Variants in CDH4 observed in about 807,000 individuals in gnomAD.
The protein encoded by CDH4 is cadherin-4.
CDH4 carries 33 observed loss-of-function variants against 86.0 expected under a neutral mutation model. The observed-to-expected ratio is 0.38, with a 90% CI of 0.29 to 0.51. The LOEUF is 0.51. Ranked by LOEUF, CDH4 falls within the 20% of genes least tolerant of loss-of-function variation. The pLI is 0.86. For missense variants in CDH4, 1,114 were observed against 1,307.4 expected (o/e 0.85, Z 2.28); for synonymous variants, 555 against 549.4 (o/e 1.01, Z -0.14).
chr20:61,511,148 C>T (rs183453314), intron 2 of CDH4, among the ~76,000 whole-genome samples: 39 of 152,348 alleles, frequency 2.6e-4, no homozygotes, highest in Admixed American at 1.3e-3. Flanking sequence ...ATCCAAACTA[C>T]ATCATGAGTG....
intron 2 of CDH4, among the ~76,000 whole-genome samples, chr20:61,585,132 G>C (rs1327602248): frequency 6.6e-6 from 1 of 152,254 alleles, no homozygotes; most frequent in Non-Finnish European, 1.5e-5. Flanking sequence ...GACCAACACG[G>C]TAAGTGGCAG....
chr20:61,616,944 G>T (rs540935586), intron 2 of CDH4, among the ~76,000 whole-genome samples: 1 of 152,064 alleles, frequency 6.6e-6, no homozygotes, highest in Non-Finnish European at 1.5e-5. Context: ...GGTGGAGGGG[G>T]GTGACTGGAC....
chr20:61,563,429 G>C (rs2086237527), intron 2 of CDH4, among the ~76,000 whole-genome samples: 1 of 152,196 alleles, frequency 6.6e-6, no homozygotes, highest in South Asian at 2.1e-4. Context: ...TCCCTCACTT[G>C]CTCCAGGTGC....
intron 4 of CDH4, among the ~76,000 whole-genome samples, chr20:61,808,910 TAAC>T (rs1248295162): frequency 2.0e-5 from 3 of 152,250 alleles, no homozygotes; most frequent in Non-Finnish European, 2.9e-5. Flanking sequence ...AGTCATTGTT[TAAC>T]AACAACAGCA....
At chr20:61,699,274 G>A (rs1444700804) in intron 2 of CDH4, among the ~76,000 whole-genome samples, 2 of 152,150 alleles carry the variant, frequency 1.3e-5, no homozygotes, top group African/African-American at 2.4e-5. Flanking sequence ...GCCAGCATGC[G>A]GCCTGGCTGA....
intron 2 of CDH4, among the ~76,000 whole-genome samples, chr20:61,282,877 A>G (rs986560724): frequency 3.9e-5 from 6 of 152,056 alleles, no homozygotes; most frequent in Non-Finnish European, 7.4e-5. Context: ...GGTGTGTGTG[A>G]TGTACGTGCA....
At chr20:61,886,423 T>C (rs774895179) in intron 7 of CDH4, among the ~76,000 whole-genome samples, 11 of 152,214 alleles carry the variant, frequency 7.2e-5, no homozygotes, top group Non-Finnish European at 1.3e-4. Context: ...ACTGTGGTTT[T>C]CTTCCCTCCT....
chr20:61,524,290 C>T (rs749184311), intron 2 of CDH4, among the ~76,000 whole-genome samples: 2 of 152,070 alleles, frequency 1.3e-5, no homozygotes, highest in East Asian at 1.9e-4. Flanking sequence ...AAGGAGGGCA[C>T]GTGAAAACCC....
chr20:61,384,138 G>A (rs1414158826), intron 2 of CDH4, among the ~76,000 whole-genome samples: 1 of 152,080 alleles, frequency 6.6e-6, no homozygotes, highest in Non-Finnish European at 1.5e-5. Context: ...TGCCCACCCA[G>A]ACTGAGGGTG....
chr20:61,400,363 G>T (rs1240159550), intron 2 of CDH4, among the ~76,000 whole-genome samples: 2 of 152,122 alleles, frequency 1.3e-5, no homozygotes, highest in Admixed American at 1.3e-4. Flanking sequence ...AACCCTTTAG[G>T]GCTGATCTGA....
At chr20:61,547,493 C>T (rs1210283481) in intron 2 of CDH4, among the ~76,000 whole-genome samples, 1 of 151,560 alleles carries the variant, frequency 6.6e-6, no homozygotes, top group Non-Finnish European at 1.5e-5. Context: ...GGATTACAGG[C>T]ATGAGCCACC....
intron 2 of CDH4, among the ~76,000 whole-genome samples, chr20:61,483,939 C>T (rs575410987): frequency 6.6e-6 from 1 of 152,258 alleles, no homozygotes; most frequent in Admixed American, 6.5e-5. Context: ...TCGCTCCTGT[C>T]CCATCTTTCT....
intron 2 of CDH4, among the ~76,000 whole-genome samples, chr20:61,493,427 C>T (rs1436299914): frequency 6.6e-6 from 1 of 152,232 alleles, no homozygotes; most frequent in African/African-American, 2.4e-5. Context: ...CAGGTCATCA[C>T]CTCTGTTGCC....
chr20:61,746,336 A>C, intron 3 of CDH4, among the ~76,000 whole-genome samples: 1 of 152,146 alleles, frequency 6.6e-6, no homozygotes, highest in Non-Finnish European at 1.5e-5. Context: ...GCAGCCCAGG[A>C]GACCCGGTCC....
chr20:61,877,463 C>T (rs535275808), intron 7 of CDH4, among the ~76,000 whole-genome samples: 16 of 150,288 alleles, frequency 1.1e-4, no homozygotes, highest in East Asian at 4.0e-4. Flanking sequence ...GGTTGACAGA[C>T]GGAGATTTAT....
At chr20:61,492,476 T>G (rs1173632547) in intron 2 of CDH4, among the ~76,000 whole-genome samples, 1 of 152,168 alleles carries the variant, frequency 6.6e-6, no homozygotes, top group East Asian at 1.9e-4. Context: ...ATGTTGATGT[T>G]CTTGATGCTG....
intron 2 of CDH4, among the ~76,000 whole-genome samples, chr20:61,535,846 C>T (rs1308391186): frequency 6.6e-6 from 1 of 152,198 alleles, no homozygotes; most frequent in African/African-American, 2.4e-5. Context: ...ATTCGAACCC[C>T]CTGTTCCCGC....
Position 61,269,518 on chromosome 20 carries a change from TCC to T in CDH4, c.169+14582_169+14583del, listed in dbSNP as rs2084173040. 6.6e-6 allele frequency among the ~76,000 whole-genome samples: 1 copy of T among 152,160 alleles called. No individual in the cohort carries two copies. Among genetic ancestry groups the T allele is most frequent in the Non-Finnish European group, 1.5e-5 (1 of 68,018 alleles). On this transcript the variant is annotated intron_variant, in intron 2 of 15. Transcript: ENST00000614565. The surrounding 1 kb of genome is among the most constrained non-coding windows in gnomAD (Gnocchi z 5.3). ...GGGCCTGGAAGACCCAGCAGGGTGA[TCC>T]GTGTCCCTGTGTATGGAGGCACCAG...
At chr20:61,341,515 CT>C (rs969166903) in intron 2 of CDH4, among the ~76,000 whole-genome samples, 6 of 136,050 alleles carry the variant, frequency 4.4e-5, no homozygotes, top group South Asian at 4.5e-4. Context: ...GTTTCATATA[CT>C]TTTTTTTCTT....
Sources: gnomAD v4.1 joint callset for allele counts (sites outside exome capture counted in the v4.1 genomes callset) on GRCh38, gnomAD v4.1.1 for gene constraint, Gnocchi (gnomAD v3.1) non-coding constraint, MANE v1.5 for transcripts, NCBI Gene and HGNC (gene_info 2026-07-23, HGNC 2026-07-21) for gene names.